The following GTF3C1 variants were observed in gnomAD, a reference collection of about 807,000 sequenced individuals.
The protein encoded by GTF3C1 is general transcription factor 3C polypeptide 1.
Under a neutral mutation model 226.7 loss-of-function variants are expected in GTF3C1, and 57 were observed. That is an observed-to-expected ratio of 0.25 (90% CI 0.20 to 0.31). The LOEUF (loss-of-function observed/expected upper bound fraction) is 0.31, where lower values mean the gene tolerates loss of function less well. Ranked by LOEUF, GTF3C1 falls within the 10% of genes least tolerant of loss-of-function variation. The pLI, the probability that GTF3C1 is intolerant of heterozygous loss-of-function variation, is 1.00. For synonymous variants in GTF3C1, 1,090 were observed against 1,084.8 expected, an observed-to-expected ratio of 1.00 and a Z score of -0.09; for missense variants, 2,217 against 2,776.1, an observed-to-expected ratio of 0.80 and a Z score of 4.53.
At chr16:27,481,371 G>T (rs775434229) in intron 26 of GTF3C1, among the ~76,000 whole-genome samples, 180 bp from the exon 27 acceptor site, 4 of 152,076 alleles carry the variant, frequency 2.6e-5, no homozygotes, top group Non-Finnish European at 4.4e-5. Context: ...AGCTCGGTCT[G>T]TAGAGGAGGC....
chr16:27,535,857 A>G (rs567187117), intron 4 of GTF3C1, among the ~76,000 whole-genome samples: 3 of 152,324 alleles, frequency 2.0e-5, no homozygotes, highest in Admixed American at 2.0e-4. Context: ...TCAAAAAAAA[A>G]AAAGGTGATC....
chr16:27,495,756 C>T (rs2088306612), intron 14 of GTF3C1, among the ~76,000 whole-genome samples: 1 of 152,188 alleles, frequency 6.6e-6, no homozygotes, highest in Non-Finnish European at 1.5e-5. Flanking sequence ...GGAGAGGCCT[C>T]ACTGGGGAGC....
At position 27,549,897 on chromosome 16, in the gene GTF3C1, T is replaced by C; in HGVS notation, c.-7A>G. On this transcript the variant is annotated 5_prime_UTR_variant, in exon 1 of 37. Coordinates refer to ENST00000356183, the MANE Select transcript of GTF3C1 (RefSeq NM_001520.4). ...ACGACTCCAGCGCGTCCATTGCTAC[T>C]TCAGTCGGCGGCGCCCGGGGCGCAT... 2 of 1,606,600 alleles carry C rather than the reference T, an allele frequency of 1.2e-6. No individual in the cohort carries two copies. The highest frequency in any genetic ancestry group is 2.2e-5 in the East Asian group (1 of 44,738).
chr16:27,521,122 G>C (rs1234680303), intron 6 of GTF3C1, among the ~76,000 whole-genome samples: 1 of 152,230 alleles, frequency 6.6e-6, no homozygotes, highest in African/African-American at 2.4e-5. Flanking sequence ...TGAGCCAGGA[G>C]CTATTTAAGG....
At chr16:27,527,319 T>A (rs1458565900) in intron 6 of GTF3C1, among the ~76,000 whole-genome samples, 1 of 152,180 alleles carries the variant, frequency 6.6e-6, no homozygotes, top group East Asian at 1.9e-4. Context: ...GTAGCTGGGA[T>A]TACAGGCGTG....
In GTF3C1 at chr16:27,465,556, G is replaced by A. The variant is rs771973778; in HGVS notation, c.5075-16C>T. The stretch of plus-strand genomic sequence containing the variant: ...AGAGGAGCGGCTGTGGGGACACAGA[G>A]GAAGATCAGAGGCAGCCCGACAGAG... On this transcript the variant is annotated splice_polypyrimidine_tract_variant and intron_variant, in intron 32 of 36. Coordinates refer to ENST00000356183, the MANE Select transcript of GTF3C1 (RefSeq NM_001520.4). The A allele has an allele frequency of 6.3e-7, 1 of 1,588,634 alleles. No individual in the cohort carries two copies. The highest frequency in any genetic ancestry group is 1.1e-5 in the South Asian group (1 of 90,032).
chr16:27,484,333 G>A lies in GTF3C1; in HGVS notation c.3879C>T (p.Thr1293=). 6.2e-7 allele frequency: 1 copy of A among 1,610,294 alleles called. No homozygotes were observed. The highest frequency in any genetic ancestry group is 8.5e-7 in the Non-Finnish European group (1 of 1,176,568). Residue 1293 remains threonine, a synonymous_variant, in exon 25 of 37, where the codon ACC becomes ACT. Transcript: ENST00000356183. Reference sequence around the variant, plus strand: ...GCAAAATGTCCCGTACCACCTGCCAGGTGACAAATGGGCCCTTCACCTGGA... The same window carrying A: ...GCAAAATGTCCCGTACCACCTGCCAAGTGACAAATGGGCCCTTCACCTGGA... The part of the protein sequence containing the change: ...LNTKVKGPFV[T]WQVVRDILHA...
At chr16:27,542,806 C>T (rs1042856522) in intron 2 of GTF3C1, among the ~76,000 whole-genome samples, 2 of 152,172 alleles carry the variant, frequency 1.3e-5, no homozygotes, top group African/African-American at 4.8e-5. Flanking sequence ...GACCTTCCAC[C>T]ATGCTATAAG....
Position 27,462,631 on chromosome 16 carries a change from C to A in GTF3C1, c.5925-145G>T. 1 of 628,634 alleles carries A rather than the reference C, an allele frequency of 1.6e-6. No homozygotes were observed. 38.9% of individuals were successfully genotyped at this position (628,634 alleles called of 1,614,324 possible). A position where few individuals can be genotyped will look rare whatever the true frequency, so the allele number is the denominator to read the frequency against. On this transcript the variant is annotated intron_variant, in intron 35 of 36. Transcript: ENST00000356183. This position sits in a 1 kb window ranked among gnomAD's most constrained non-coding sequence, Gnocchi z 4.5. ...CACCTCTTGCTCTCTGCTTTCCAAA[C>A]TCCCTGCTTCTCTCCTGTCTGGACA...
intron 6 of GTF3C1, among the ~76,000 whole-genome samples, chr16:27,518,177 C>A (rs577274370): frequency 1.3e-5 from 2 of 151,792 alleles, no homozygotes; most frequent in Admixed American, 1.3e-4. Flanking sequence ...CTCCCCACCA[C>A]CCCCGCCCAA....
At chr16:27,528,749 A>G (rs2088870304) in intron 5 of GTF3C1, 28 bp from the exon 6 acceptor site, 2 of 1,607,602 alleles carry the variant, frequency 1.2e-6, no homozygotes, top group Non-Finnish European at 8.5e-7. Flanking sequence ...AAAGGCTACT[A>G]TTAGACACAG....
intron 6 of GTF3C1, among the ~76,000 whole-genome samples, chr16:27,527,740 G>A (rs973478322): frequency 6.6e-6 from 1 of 152,146 alleles, no homozygotes; most frequent in Admixed American, 6.5e-5. Context: ...GGTAGCCCAC[G>A]CCTGTAATCC....
At chr16:27,479,925 G>T (rs997636448) in intron 27 of GTF3C1, among the ~76,000 whole-genome samples, 1 of 152,150 alleles carries the variant, frequency 6.6e-6, no homozygotes, top group Non-Finnish European at 1.5e-5. Flanking sequence ...TTGTGGCCGG[G>T]TGCGGTGGCT....
intron 4 of GTF3C1, among the ~76,000 whole-genome samples, chr16:27,536,118 A>G (rs1228104115): frequency 6.6e-6 from 1 of 152,274 alleles, no homozygotes. Flanking sequence ...ATCAATAAAT[A>G]CAGTACAGTG....
intron 26 of GTF3C1, among the ~76,000 whole-genome samples, chr16:27,482,742 G>A (rs531738926): frequency 2.6e-5 from 4 of 152,334 alleles, no homozygotes; most frequent in Admixed American, 1.3e-4. Context: ...CAGTCTGCGA[G>A]CTTTCTAGGA....
At chr16:27,508,688 C>T (rs777516684) in intron 7 of GTF3C1, 33 bp from the exon 8 acceptor site, 1 of 1,504,682 alleles carries the variant, frequency 6.6e-7, no homozygotes, top group Non-Finnish European at 9.2e-7. Context: ...ACCCAAACCG[C>T]TGCAAAGGAG....
At position 27,538,971 on chromosome 16, in the gene GTF3C1, T is replaced by TACACAC. The variant is rs59679436; in HGVS notation, c.432-621_432-616dup. Among the ~76,000 whole-genome samples the TACACAC allele has an allele frequency of 3.9e-3, 481 of 124,614 alleles. 3 individuals are homozygous for TACACAC. Among genetic ancestry groups the TACACAC allele is most frequent in the African/African-American group, 0.013 (406 of 31,160 alleles). 81.8% of individuals were successfully genotyped at this position (124,614 alleles called of 152,430 possible). A position where few individuals can be genotyped will look rare whatever the true frequency, so the allele number is the denominator to read the frequency against. On this transcript the variant is annotated intron_variant, in intron 2 of 36. Coordinates refer to ENST00000356183, the MANE Select transcript of GTF3C1 (RefSeq NM_001520.4). ...AGAAATGACTATATATACACACATA[T>TACACAC]ACACACACACACACACACACACACA...
intron 10 of GTF3C1, among the ~76,000 whole-genome samples, chr16:27,504,632 G>A (rs962652894): frequency 1.3e-5 from 2 of 152,166 alleles, no homozygotes; most frequent in Non-Finnish European, 2.9e-5. Context: ...TGAAACAGCA[G>A]TGGCCAGGCG....
chr16:27,538,807 G>C (rs1046688601), intron 2 of GTF3C1, among the ~76,000 whole-genome samples: 13 of 152,054 alleles, frequency 8.5e-5, no homozygotes, highest in African/African-American at 1.2e-4. Flanking sequence ...TTTTCATCCA[G>C]GTCTTTAGGT....
Sources: gnomAD v4.1 joint callset for allele counts (sites outside exome capture counted in the v4.1 genomes callset) on GRCh38, gnomAD v4.1.1 for gene constraint, Gnocchi (gnomAD v3.1) non-coding constraint, MANE v1.5 for transcripts, NCBI Gene and HGNC (gene_info 2026-07-23, HGNC 2026-07-21) for gene names.